Variants in DNM2 observed in about 807,000 individuals in gnomAD.
DNM2 encodes dynamin-2.
DNM2 carries 15 observed loss-of-function variants against 99.0 expected under a neutral mutation model. The ratio of observed to expected loss-of-function variants is 0.15; its 90% CI spans 0.10 to 0.23. The LOEUF is 0.23. Ranked by LOEUF, DNM2 falls within the 10% of genes least tolerant of loss-of-function variation. DNM2 has a pLI of 1.00. For synonymous variants in DNM2, 525 were observed against 481.2 expected, an observed-to-expected ratio of 1.09 and a Z score of -1.19; for missense variants, 742 against 1,189.4, an observed-to-expected ratio of 0.62 and a Z score of 5.53.
chr19:10,742,188 T>C (rs1456902690), intron 1 of DNM2, among the ~76,000 whole-genome samples: 2 of 152,066 alleles, frequency 1.3e-5, no homozygotes, highest in Non-Finnish European at 2.9e-5. Context: ...GTCCGCAGGC[T>C]TGTGTGTCTG....
chr19:10,805,897 G>C lies in DNM2; in HGVS notation c.1494-19G>C. The C allele has an allele frequency of 6.2e-7, 1 of 1,614,068 alleles. No individual in the cohort carries two copies. On this transcript the variant is annotated intron_variant, in intron 12 of 20. Transcript: ENST00000389253. ...CCGGCATCTTGTCCACGTGAACCCT[G>C]TCTGTTCTTTGGTTTCAGTGCCCAG...
intron 5 of DNM2, among the ~76,000 whole-genome samples, chr19:10,779,167 A>G (rs1354726048): frequency 6.6e-6 from 1 of 151,436 alleles, no homozygotes; most frequent in Admixed American, 6.6e-5. Flanking sequence ...GCGAGCTGAG[A>G]TGGCGCCACT....
At chr19:10,743,815 A>G (rs1360966885) in intron 1 of DNM2, among the ~76,000 whole-genome samples, 1 of 144,774 alleles carries the variant, frequency 6.9e-6, no homozygotes, top group African/African-American at 2.6e-5. Flanking sequence ...GTCTCAAAAA[A>G]AAAAAAAAAA....
chr19:10,815,413 TGTCTC>T (rs1234114643), intron 15 of DNM2, among the ~76,000 whole-genome samples: 4 of 152,174 alleles, frequency 2.6e-5, no homozygotes, highest in Non-Finnish European at 4.4e-5. Context: ...CAACCCTTCG[TGTCTC>T]GTCTCCCCAC....
intron 2 of DNM2, among the ~76,000 whole-genome samples, chr19:10,770,159 A>G (rs1448109174): frequency 1.3e-5 from 2 of 151,436 alleles, no homozygotes; most frequent in Non-Finnish European, 2.9e-5. Flanking sequence ...GGACGGTGAA[A>G]CTCCTCACAC....
intron 7 of DNM2, among the ~76,000 whole-genome samples, chr19:10,790,128 G>A (rs2071700188): frequency 1.3e-5 from 2 of 152,174 alleles, no homozygotes; most frequent in South Asian, 2.1e-4. Flanking sequence ...CTCGGTTCAC[G>A]CCTTACAAGA....
intron 2 of DNM2, among the ~76,000 whole-genome samples, chr19:10,763,786 G>A (rs1006881779): frequency 6.6e-6 from 1 of 152,190 alleles, no homozygotes; most frequent in African/African-American, 2.4e-5. Context: ...GTGGGAGCTG[G>A]GGTGGCATGC....
intron 1 of DNM2, among the ~76,000 whole-genome samples, chr19:10,741,362 G>T (rs924182287): frequency 2.0e-5 from 3 of 151,914 alleles, no homozygotes; most frequent in Non-Finnish European, 4.4e-5. Context: ...CTCCCGAGTA[G>T]CTGGGACCAC....
chr19:10,720,973 G>A (rs1399663141), intron 1 of DNM2, among the ~76,000 whole-genome samples: 1 of 152,098 alleles, frequency 6.6e-6, no homozygotes, highest in Non-Finnish European at 1.5e-5. Context: ...TCTCACTGGA[G>A]GCTGTAAAGT....
chr19:10,798,369 GT>G, intron 10 of DNM2, 116 bp from the exon 11 acceptor site: 1 of 744,462 alleles, frequency 1.3e-6, no homozygotes, highest in Non-Finnish European at 2.4e-6. Flanking sequence ...TGTGGGCTCG[GT>G]GGGCCCCCTC....
rs201681441 is a variant in DNM2 at position 10,775,770 on chromosome 19, C to T, written c.453C>T (p.Asp151=). ...TKVPVGDQPP[D]IEYQIKDMIL... is the part of the protein sequence containing the mutation. ...TGCCTGTGGGCGACCAGCCTCCAGA[C>T]ATCGAGTACCAGATCAAGGACATGA... Residue 151 remains aspartate (D), a synonymous_variant, in exon 4 of 21, where the codon GAC becomes GAT. Coordinates refer to ENST00000389253, the MANE Select transcript of DNM2 (RefSeq NM_001005361.3). The surrounding 1 kb of genome is among the most constrained non-coding windows in gnomAD (Gnocchi z 4.3). 2.7e-5 allele frequency: 44 copies of T among 1,614,056 alleles called. No individual in the cohort carries two copies. Among genetic ancestry groups the T allele is most frequent in the Middle Eastern group, 1.6e-4 (1 of 6,084 alleles).
At chr19:10,725,542 G>C (rs1298300967) in intron 1 of DNM2, among the ~76,000 whole-genome samples, 3 of 152,042 alleles carry the variant, frequency 2.0e-5, no homozygotes, top group African/African-American at 7.2e-5. Flanking sequence ...AGTCCAGAGG[G>C]ATCTGTGGGA....
intron 15 of DNM2, among the ~76,000 whole-genome samples, chr19:10,815,109 G>A (rs762353368): frequency 5.9e-5 from 9 of 152,114 alleles, no homozygotes; most frequent in Admixed American, 2.0e-4. Context: ...TCTTGCTCAC[G>A]TCTCAGTGAG....
chr19:10,725,954 C>T (rs540434609), intron 1 of DNM2, among the ~76,000 whole-genome samples: 93 of 152,186 alleles, frequency 6.1e-4, no homozygotes, highest in African/African-American at 2.2e-3. Context: ...GGAGCGATGG[C>T]TCACACTTGT....
chr19:10,725,798 G>T (rs2069095080), intron 1 of DNM2, among the ~76,000 whole-genome samples: 2 of 152,098 alleles, frequency 1.3e-5, no homozygotes, highest in Non-Finnish European at 2.9e-5. Context: ...CTGTCCCCCA[G>T]ACTGGAGTAC....
In DNM2 at chr19:10,728,124, C is replaced by T. The variant is rs1022120606; in HGVS notation, c.161+9721C>T. On this transcript the variant is annotated intron_variant, in intron 1 of 20. Coordinates refer to ENST00000389253, the MANE Select transcript of DNM2 (RefSeq NM_001005361.3). ...GGAAATTTTCCCCTGTGGCGTCACC[C>T]GTAGCTTGAACCGGGAGCTGGATGA... is the stretch of plus-strand genomic sequence containing the variant. 2.6e-5 allele frequency among the ~76,000 whole-genome samples: 4 copies of T among 152,140 alleles called. No homozygotes were observed. In the East Asian group the frequency reaches 5.8e-4, roughly 22 times the overall value.
chr19:10,797,661 GC>G, intron 10 of DNM2, 143 bp downstream of exon 10: 1 of 1,311,396 alleles, frequency 7.6e-7, no homozygotes, highest in Non-Finnish European at 1.1e-6. Context: ...TCGCCACCTT[GC>G]ATTGGCAGAT....
chr19:10,820,006 T>G lies in DNM2; in HGVS notation c.1698T>G (p.Pro566=). 6.2e-7 allele frequency: 1 copy of G among 1,614,138 alleles called. No individual in the cohort carries two copies. Among genetic ancestry groups the G allele is most frequent in the East Asian group, 2.2e-5 (1 of 44,868 alleles). ...AGAAAGAGAAGAAGTACATGCTGCC[T>G]CTGGACAACCTCAAGATCCGTGATG... is the stretch of plus-strand genomic sequence containing the variant. ...EEEKEKKYML[P]LDNLKIRDVE... The change falls in exon 16 of 21, where the codon CCT becomes CCG. Residue 566 remains proline, a synonymous_variant. Transcript: ENST00000389253. The surrounding 1 kb of genome is among the most constrained non-coding windows in gnomAD (Gnocchi z 4.3).
intron 3 of DNM2, among the ~76,000 whole-genome samples, chr19:10,774,178 ACC>A (rs1467267296): frequency 6.6e-6 from 1 of 152,194 alleles, no homozygotes. Flanking sequence ...GGTTTCACAC[ACC>A]TGTCATTCAA....
Sources: allele counts gnomAD v4.1 joint callset (sites outside exome capture counted in the v4.1 genomes callset), GRCh38; gene constraint gnomAD v4.1.1; non-coding constraint Gnocchi (gnomAD v3.1); transcripts MANE v1.5; gene names NCBI Gene and HGNC (gene_info 2026-07-23, HGNC 2026-07-21).